The following GINS2 variants were observed in gnomAD, a reference collection of about 807,000 sequenced individuals.
GINS2 encodes the protein GINS complex subunit 2, also known as DNA replication complex GINS protein PSF2.
Under a neutral mutation model 21.2 loss-of-function variants are expected in GINS2, and 23 were observed. The observed-to-expected ratio is 1.08, with a 90% confidence interval of 0.78 to 1.53. GINS2 has a LOEUF of 1.53. GINS2 is among the 40% of genes most tolerant of loss of function. GINS2 has a pLI of 0.00. For missense variants in GINS2, 323 were observed against 233.9 expected, an observed-to-expected ratio of 1.38 and a Z score of -2.49; for synonymous variants, 118 against 85.6, an observed-to-expected ratio of 1.38 and a Z score of -2.09.
chr16:85,680,149 C>T (rs756605841), intron 3 of GINS2, among the ~76,000 whole-genome samples: 4 of 152,142 alleles, frequency 2.6e-5, no homozygotes, highest in Non-Finnish European at 5.9e-5. Flanking sequence ...ATCTCTCCCG[C>T]ACCACACCAG....
In GINS2 at chr16:85,685,685, A is replaced by AAAAAAAAAAAAAAAAAAAAAAAAAAC. The variant is rs56405044; in HGVS notation, c.205+1774_205+1775insGTTTTTTTTTTTTTTTTTTTTTTTTT. Among the ~76,000 whole-genome samples, 152 of 120,946 alleles carry AAAAAAAAAAAAAAAAAAAAAAAAAAC rather than the reference A, an allele frequency of 1.3e-3. 19 individuals carry two copies. Among genetic ancestry groups the AAAAAAAAAAAAAAAAAAAAAAAAAAC allele is most frequent in the Non-Finnish European group, 2.2e-3 (116 of 51,848 alleles). The allele number at this position is 120,946 out of a possible 152,430, so 79.3% of individuals were successfully genotyped here. A position where few individuals can be genotyped will look rare whatever the true frequency, so the allele number is the denominator to read the frequency against. On this transcript the variant is annotated intron_variant, in intron 2 of 4. Transcript: ENST00000253462. ...GACCCTTTCTCAAAAAAAAAAAAAA[A>AAAAAAAAAAAAAAAAAAAAAAAAAAC]AAAAAACCGTCTCAAAGCAGAGGAA...
intron 3 of GINS2, among the ~76,000 whole-genome samples, chr16:85,679,487 T>C (rs188721872): frequency 2.0e-5 from 3 of 152,368 alleles, no homozygotes; most frequent in Admixed American, 6.5e-5. Flanking sequence ...TAATTCCTGA[T>C]GAGTAAGTGG....
intron 2 of GINS2, among the ~76,000 whole-genome samples, chr16:85,682,887 G>A (rs187891306): frequency 6.6e-6 from 1 of 152,206 alleles, no homozygotes; most frequent in East Asian, 1.9e-4. Flanking sequence ...GTGCCGTCCT[G>A]CAATCCTGGC....
intron 3 of GINS2, among the ~76,000 whole-genome samples, chr16:85,680,101 G>T (rs1328777977): frequency 6.6e-6 from 1 of 152,122 alleles, no homozygotes; most frequent in East Asian, 1.9e-4. Flanking sequence ...CAAGAGCATT[G>T]GTCACACTGA....
chr16:85,687,763 T>A (rs553002359), intron 1 of GINS2, 189 bp from the exon 2 acceptor site: 215 of 484,034 alleles, frequency 4.4e-4, no homozygotes, highest in Middle Eastern at 1.1e-3. Flanking sequence ...CCTGCGAGCG[T>A]GGGGCTCAGT....
rs1839772224 is a variant in GINS2 at position 85,680,620 on chromosome 16, C to A, written c.305+962G>T. Among the ~76,000 whole-genome samples the A allele has an allele frequency of 2.0e-5, 3 of 152,114 alleles. No individual in the cohort carries two copies. The South Asian group carries it at 6.2e-4, about 32-fold the overall frequency. ...GAATGGGTACATGTGATGGCACAGCCAGGCAAACAAGAAAATTACAACTGG... is the reference window on the plus strand; with the variant it reads ...GAATGGGTACATGTGATGGCACAGCAAGGCAAACAAGAAAATTACAACTGG... On this transcript the variant is annotated intron_variant, in intron 3 of 4. Transcript: ENST00000253462.
chr16:85,681,525 G>A lies in GINS2; in HGVS notation c.305+57C>T, dbSNP rs2053732704. 8.9e-6 allele frequency: 9 copies of A among 1,007,578 alleles called. No homozygotes were observed. The Admixed American group carries it at 1.7e-4, about 19-fold the overall frequency. The allele number at this position is 1,007,578 out of a possible 1,614,324, so 62.4% of individuals were successfully genotyped here. On this transcript the variant is annotated intron_variant, in intron 3 of 4. Coordinates refer to ENST00000253462, the MANE Select transcript of GINS2 (RefSeq NM_016095.3). ...CGGAGAGGAAGGACGAGGGTTAGGGGAAGGGCATGGCGAGTCCAGTCTTGG... is the reference window on the plus strand; with the variant it reads ...CGGAGAGGAAGGACGAGGGTTAGGGAAAGGGCATGGCGAGTCCAGTCTTGG...
In GINS2 at chr16:85,677,221, A is replaced by G. The variant is rs972555119; in HGVS notation, c.*991T>C. 2 of 152,156 alleles carry G rather than the reference A, an allele frequency of 1.3e-5. No individual in the cohort carries two copies. Among genetic ancestry groups the G allele is most frequent in the Non-Finnish European group, 2.9e-5 (2 of 68,036 alleles). 9.4% of individuals were successfully genotyped at this position (152,156 alleles called of 1,614,324 possible). A position where few individuals can be genotyped will look rare whatever the true frequency, so the allele number is the denominator to read the frequency against. On this transcript the variant is annotated 3_prime_UTR_variant, in exon 5 of 5. Coordinates refer to ENST00000253462, the MANE Select transcript of GINS2 (RefSeq NM_016095.3). The stretch of plus-strand genomic sequence containing the variant: ...AAGCTGATTACAGAACCTTCTATCC[A>G]TTGCATGATGCTGGACGATCATTTC...
chr16:85,678,180 C>T lies in GINS2; in HGVS notation c.*32G>A. On this transcript the variant is annotated 3_prime_UTR_variant, in exon 5 of 5. Coordinates refer to ENST00000253462, the MANE Select transcript of GINS2 (RefSeq NM_016095.3). ...CTCATCACGTCCTGAGCGCTCACAT[C>T]CCCCAGCAAGCCGCCTGCACCAGGC... The T allele has an allele frequency of 6.2e-7, 1 of 1,607,046 alleles. No individual in the cohort carries two copies. The highest frequency in any genetic ancestry group is 8.5e-7 in the Non-Finnish European group (1 of 1,176,182).
In GINS2 at chr16:85,681,656, A is replaced by C. The variant is rs2053734422; in HGVS notation, c.231T>G (p.His77Gln). Residue 77 changes from histidine to glutamine, a missense_variant, in exon 3 of 5, where the codon CAT becomes CAG. Physicochemically the swap from His to Gln is conservative, Grantham distance 24. Coordinates refer to ENST00000253462, the MANE Select transcript of GINS2 (RefSeq NM_016095.3). ...DVEKLEKMRD[H>Q]ERKEETFTPM... Reference sequence around the variant, plus strand: ...GGGTAAAAGTTTCTTCCTTTCGTTCATGATCCCTCATCTTCTCCAACTTTT... The same window carrying C: ...GGGTAAAAGTTTCTTCCTTTCGTTCCTGATCCCTCATCTTCTCCAACTTTT... 6.2e-7 allele frequency: 1 copy of C among 1,609,540 alleles called. No homozygotes were observed. Among genetic ancestry groups the C allele is most frequent in the Non-Finnish European group, 8.5e-7 (1 of 1,176,030 alleles).
chr16:85,681,622 T>G lies in GINS2; in HGVS notation c.265A>C (p.Ser89Arg). The change falls in exon 3 of 5, where the codon AGC becomes CGC. Residue 89 changes from serine (S) to arginine (R), a missense_variant. Ser to Arg is a moderately radical substitution (Grantham distance 110). Coordinates refer to ENST00000253462, the MANE Select transcript of GINS2 (RefSeq NM_016095.3). ...RKEETFTPMPSPYYMELTKLL... is the reference protein window; with the variant it reads ...RKEETFTPMPRPYYMELTKLL... ...TTCGTAAGTTCCATGTAGTAAGGGC[T>G]GGGCATTGGGGTAAAAGTTTCTTCC... 1.9e-6 allele frequency: 3 copies of G among 1,612,822 alleles called. No individual in the cohort carries two copies. The highest frequency in any genetic ancestry group is 2.5e-6 in the Non-Finnish European group (3 of 1,178,850).
chr16:85,678,361 T>A, intron 4 of GINS2, 24 bp from the exon 5 acceptor site: 1 of 1,612,778 alleles, frequency 6.2e-7, no homozygotes, highest in Non-Finnish European at 8.5e-7. Context: ...ACAGACCAAG[T>A]TGGCCAAGGA....
intron 2 of GINS2, among the ~76,000 whole-genome samples, 162 bp downstream of exon 2, chr16:85,687,298 G>A (rs1036712824): frequency 6.6e-6 from 1 of 152,278 alleles, no homozygotes; most frequent in African/African-American, 2.4e-5. Context: ...TCTGCTGAGA[G>A]GTGAATCTGG....
intron 3 of GINS2, among the ~76,000 whole-genome samples, chr16:85,681,218 C>T (rs1598759352): frequency 6.6e-6 from 1 of 152,228 alleles, no homozygotes; most frequent in Non-Finnish European, 1.5e-5. Flanking sequence ...AAAACACATA[C>T]ATGGCAAAGA....
Position 85,677,983 on chromosome 16 carries a change from A to T in GINS2, c.*229T>A. 2.2e-6 allele frequency: 1 copy of T among 465,066 alleles called. No homozygotes were observed. Among genetic ancestry groups the T allele is most frequent in the Non-Finnish European group, 3.8e-6 (1 of 261,722 alleles). The allele number at this position is 465,066 out of a possible 1,614,324, so 28.8% of individuals were successfully genotyped here. On this transcript the variant is annotated 3_prime_UTR_variant, in exon 5 of 5. Transcript: ENST00000253462. ...TTTTTATTTCTCAAAAGTGGGGGGA[A>T]AAAGGGCTGGTTTCTAGAAACAGAT...
intron 3 of GINS2, 131 bp from the exon 4 acceptor site, chr16:85,678,797 A>C (rs2053708459): frequency 1.2e-6 from 1 of 843,700 alleles, no homozygotes; most frequent in African/African-American, 1.7e-5. Context: ...CTTTATTTTC[A>C]ACTTTAGGGT....
At chr16:85,682,824 T>C (rs955211951) in intron 2 of GINS2, among the ~76,000 whole-genome samples, 1 of 152,166 alleles carries the variant, frequency 6.6e-6, no homozygotes, top group African/African-American at 2.4e-5. Flanking sequence ...GGAGCACAGC[T>C]ACGCTGCAGG....
At position 85,678,679 on chromosome 16, in the gene GINS2, G is replaced by C. The variant is rs146785150; in HGVS notation, c.306-13C>G. 3.6e-5 allele frequency: 58 copies of C among 1,612,396 alleles called. No individual in the cohort carries two copies. In the African/African-American group the frequency reaches 7.6e-4, roughly 21 times the overall value. ...GTTGTCTGAAGCACTAAAGGAGCAA[G>C]GGCTAAAGTCAGTCGGGGAACACTT... On this transcript the variant is annotated splice_polypyrimidine_tract_variant and intron_variant, in intron 3 of 4. Transcript: ENST00000253462.
intron 3 of GINS2, 104 bp from the exon 4 acceptor site, chr16:85,678,770 T>C (rs1478142275): frequency 9.1e-7 from 1 of 1,104,522 alleles, no homozygotes. Flanking sequence ...TATTCCAGAC[T>C]CAGAAAGTCT....
Sources: allele counts gnomAD v4.1 joint callset (sites outside exome capture counted in the v4.1 genomes callset), GRCh38; gene constraint gnomAD v4.1.1; transcripts MANE v1.5; gene names NCBI Gene and HGNC (gene_info 2026-07-23, HGNC 2026-07-21).